MLLT6: variants seen among roughly 807,000 people sequenced by gnomAD.
MLLT6 encodes the protein protein AF-17.
MLLT6 carries 22 observed loss-of-function variants against 103.0 expected under a neutral mutation model. The ratio of observed to expected loss-of-function variants is 0.21; its 90% CI spans 0.15 to 0.31. MLLT6 has a LOEUF of 0.31. MLLT6 is among the 10% of genes least tolerant of loss of function. The pLI, the probability that MLLT6 is intolerant of heterozygous loss-of-function variation, is 1.00. For missense variants in MLLT6, 1,199 were observed against 1,441.7 expected, an observed-to-expected ratio of 0.83 and a Z score of 2.73; for synonymous variants, 606 against 623.5, an observed-to-expected ratio of 0.97 and a Z score of 0.42.
chr17:38,708,037 A>C (rs369462945), intron 4 of MLLT6, 165 bp downstream of exon 4: 1 of 601,602 alleles, frequency 1.7e-6, no homozygotes, highest in East Asian at 2.8e-5. Flanking sequence ...TGACAGACAC[A>C]CTCATGCTCT....
At chr17:38,717,764 C>T in intron 11 of MLLT6, 81 bp from the exon 12 acceptor site, 1 of 1,401,090 alleles carries the variant, frequency 7.1e-7, no homozygotes, top group Non-Finnish European at 1.0e-6. Flanking sequence ...CCCAGCACAC[C>T]CGGCCCCCTG....
chr17:38,727,530 C>T lies in MLLT6; in HGVS notation c.*1932C>T, dbSNP rs927647925. On this transcript the variant is annotated 3_prime_UTR_variant, in exon 20 of 20. Transcript: ENST00000621332. The stretch of plus-strand genomic sequence containing the variant: ...AGAAAAGTAACCTTCAGGCCAGGCG[C>T]GGTGGCTCACGCCTGTAATCCCAAC... 5 of 206,164 alleles carry T rather than the reference C, an allele frequency of 2.4e-5. No individual in the cohort carries two copies. The highest frequency in any genetic ancestry group is 6.8e-5 in the African/African-American group (3 of 43,802). The allele number at this position is 206,164 out of a possible 1,614,324, so 12.8% of individuals were successfully genotyped here.
chr17:38,720,336 C>G (rs1722515784), intron 14 of MLLT6, 36 bp from the exon 15 acceptor site: 2 of 1,520,132 alleles, frequency 1.3e-6, no homozygotes, highest in Non-Finnish European at 1.8e-6. Context: ...CCTCCGCCCC[C>G]TCGCCCCTCC....
At chr17:38,720,937 A>G in intron 16 of MLLT6, 190 bp downstream of exon 16, 1 of 616,376 alleles carries the variant, frequency 1.6e-6, no homozygotes, top group Non-Finnish European at 2.9e-6. Flanking sequence ...TTGGCTAAGC[A>G]ATCAGTGAGC....
At chr17:38,721,054 G>A (rs1385588425) in intron 16 of MLLT6, 1 of 490,924 alleles carries the variant, frequency 2.0e-6, no homozygotes, top group African/African-American at 2.0e-5. Context: ...GGCTGTGAGA[G>A]AGAGAACGGG....
In MLLT6 at chr17:38,717,458, A is replaced by G; in HGVS notation, c.1678A>G (p.Ile560Val). 6.2e-7 allele frequency: 1 copy of G among 1,609,818 alleles called. No individual in the cohort carries two copies. Among genetic ancestry groups the G allele is most frequent in the Non-Finnish European group, 8.5e-7 (1 of 1,177,890 alleles). Reference sequence around the variant, plus strand: ...CATCTACACCAGTAATAAGGACCCCATCTCCCACAGTGGCGGGATGCTGCG... The same window carrying G: ...CATCTACACCAGTAATAAGGACCCCGTCTCCCACAGTGGCGGGATGCTGCG... ...AGIYTSNKDP[I>V]SHSGGMLRAV... Residue 560 changes from isoleucine (I) to valine (V), a missense_variant, in exon 11 of 20, where the codon ATC becomes GTC. Coordinates refer to ENST00000621332, the MANE Select transcript of MLLT6 (RefSeq NM_005937.4).
chr17:38,723,768 G>GT (rs1905881434), intron 18 of MLLT6, among the ~76,000 whole-genome samples: 1 of 148,394 alleles, frequency 6.7e-6, no homozygotes, highest in Admixed American at 6.7e-5. Flanking sequence ...TTGAGACAGA[G>GT]TTTCACTCTT....
Position 38,726,355 on chromosome 17 carries a change from G to A in MLLT6, c.*757G>A, listed in dbSNP as rs1906026987. 4.4e-6 allele frequency: 1 copy of A among 226,232 alleles called. No homozygotes were observed. The highest frequency in any genetic ancestry group is 5.9e-5 in the Admixed American group (1 of 16,940). The allele number at this position is 226,232 out of a possible 1,614,324, so 14.0% of individuals were successfully genotyped here. ...TGGAGCTGCCCGTCTCAGTGTGTGA[G>A]TGTGTGTGTGCGTGCATGTGTGTGT... is the stretch of plus-strand genomic sequence containing the variant. On this transcript the variant is annotated 3_prime_UTR_variant, in exon 20 of 20. Transcript: ENST00000621332.
chr17:38,715,527 C>G, intron 8 of MLLT6, 85 bp from the exon 9 acceptor site: 1 of 1,479,326 alleles, frequency 6.8e-7, no homozygotes, highest in Non-Finnish European at 8.9e-7. Context: ...GAGCTAGGTC[C>G]TGTGCCCTCC....
At chr17:38,725,260 A>C (rs2084241966) in intron 19 of MLLT6, 7 of 530,158 alleles carry the variant, frequency 1.3e-5, no homozygotes, top group South Asian at 8.6e-5. Flanking sequence ...TTCTCATCCG[A>C]CCAATTAGAA....
At chr17:38,725,311 C>G (rs1319697444) in intron 19 of MLLT6, 8 of 547,966 alleles carry the variant, frequency 1.5e-5, no homozygotes, top group Non-Finnish European at 2.6e-5. Flanking sequence ...GAAAGGCCCT[C>G]TCCCTCTCCT....
chr17:38,722,768 G>A lies in MLLT6; in HGVS notation c.2883G>A (p.Pro961=). The change falls in exon 18 of 20, where the codon CCG becomes CCA. Residue 961 remains proline (P), a splice_region_variant and synonymous_variant. Transcript: ENST00000621332. ...QQLLASPQLT[P]EHQTVVYQMI... is the part of the protein sequence containing the mutation. ...TCCTGGCCTCCCCGCAGCTGACCCC[G>A]GTAATGCCCCTCCCTTCCCTGCCTC... 3 of 1,582,860 alleles carry A rather than the reference G, an allele frequency of 1.9e-6. No individual in the cohort carries two copies. Among genetic ancestry groups the A allele is most frequent in the Non-Finnish European group, 1.7e-6 (2 of 1,160,740 alleles).
At position 38,726,371 on chromosome 17, in the gene MLLT6, ATGTGTGTGTG is replaced by A. The variant is rs370611684; in HGVS notation, c.*795_*804del. 6.7e-5 allele frequency: 15 copies of A among 224,572 alleles called. No homozygotes were observed. The highest frequency in any genetic ancestry group is 1.2e-4 in the Admixed American group (2 of 17,044). The allele number at this position is 224,572 out of a possible 1,614,324, so 13.9% of individuals were successfully genotyped here. On this transcript the variant is annotated 3_prime_UTR_variant, in exon 20 of 20. Coordinates refer to ENST00000621332, the MANE Select transcript of MLLT6 (RefSeq NM_005937.4). ...AGTGTGTGAGTGTGTGTGTGCGTGCATGTGTGTGTGTGTGTGTGTGTGTGTGTGTGTCTGT... is the reference window on the plus strand; with the variant it reads ...AGTGTGTGAGTGTGTGTGTGCGTGCATGTGTGTGTGTGTGTGTGTGTCTGT...
intron 2 of MLLT6, 32 bp from the exon 3 acceptor site, chr17:38,707,453 TC>T: frequency 6.2e-7 from 1 of 1,612,058 alleles, no homozygotes; most frequent in Non-Finnish European, 8.5e-7. Context: ...GCTCAGCAGA[TC>T]CCCCAACCCC....
Position 38,709,195 on chromosome 17 carries a change from A to G in MLLT6, c.377A>G (p.Gln126Arg). The G allele has an allele frequency of 1.9e-6, 3 of 1,611,340 alleles. No homozygotes were observed. The highest frequency in any genetic ancestry group is 2.5e-6 in the Non-Finnish European group (3 of 1,179,108). ...CAGACCTGTTACATCTGCGAGGAGC[A>G]GGGCCGGGAGAGCAAGGCGGCCTCG... is the stretch of plus-strand genomic sequence containing the variant. ...FNKTCYICEEQGRESKAASGA... is the reference protein window; with the variant it reads ...FNKTCYICEERGRESKAASGA... Residue 126 changes from glutamine to arginine, a missense_variant, in exon 5 of 20, where the codon CAG (glutamine) becomes CGG (arginine). Gln to Arg is a conservative substitution (Grantham distance 43). Around this residue, in one of 7 missense-constraint regions of MLLT6, gnomAD observed 59 missense variants for 135.1 expected, o/e 0.44. Transcript: ENST00000621332. This position sits in a 1 kb window ranked among gnomAD's most constrained non-coding sequence, Gnocchi z 4.3.
intron 19 of MLLT6, chr17:38,725,259 G>A (rs752966712): frequency 1.1e-5 from 6 of 530,136 alleles, no homozygotes; most frequent in South Asian, 2.9e-5. Context: ...TTTCTCATCC[G>A]ACCAATTAGA....
In MLLT6 at chr17:38,709,067, C is replaced by G; in HGVS notation, c.355-106C>G. 3.6e-6 allele frequency: 3 copies of G among 829,630 alleles called. No homozygotes were observed. The highest frequency in any genetic ancestry group is 5.8e-6 in the Non-Finnish European group (3 of 512,932). 51.4% of individuals were successfully genotyped at this position (829,630 alleles called of 1,614,324 possible). A position where few individuals can be genotyped will look rare whatever the true frequency, so the allele number is the denominator to read the frequency against. ...CTGCAGACAGTTCTGTGGGATAGCA[C>G]TGATCTAAGACTGTAGAGAGCAAAT... On this transcript the variant is annotated intron_variant, in intron 4 of 19. Transcript: ENST00000621332. This position sits in a 1 kb window ranked among gnomAD's most constrained non-coding sequence, Gnocchi z 4.3.
rs2143712581 is a variant in MLLT6 at position 38,724,131 on chromosome 17, C to CCTGTAATCCAGCTACCTGGGAGG, written c.2884-485_2884-463dup. 1 of 153,044 alleles carries CCTGTAATCCAGCTACCTGGGAGG rather than the reference C, an allele frequency of 6.5e-6. No homozygotes were observed. Among genetic ancestry groups the CCTGTAATCCAGCTACCTGGGAGG allele is most frequent in the Admixed American group, 6.5e-5 (1 of 15,284 alleles). 9.5% of individuals were successfully genotyped at this position (153,044 alleles called of 1,614,324 possible). On this transcript the variant is annotated intron_variant, in intron 18 of 19. Transcript: ENST00000621332. The surrounding 1 kb of genome is among the most constrained non-coding windows in gnomAD (Gnocchi z 5.4). ...AATTAGCCGGATGTGGTGGCAGGCC[C>CCTGTAATCCAGCTACCTGGGAGG]CTGTAATCCAGCTACCTGGGAGGCT...
rs1041427033 is a variant in MLLT6, at chr17:38,723,800, T to G, written c.2884-820T>G. ...TCTTGTTGCCCAGGCTGGAGTGCAA[T>G]GGCATGATATCGGCTCACTGCAACC... On this transcript the variant is annotated intron_variant, in intron 18 of 19. Transcript: ENST00000621332. 1.1e-4 allele frequency among the ~76,000 whole-genome samples: 16 copies of G among 150,352 alleles called. No individual in the cohort carries two copies. The Admixed American group carries it at 1.1e-3, about 10-fold the overall frequency.
Sources: gnomAD v4.1 joint callset for allele counts (sites outside exome capture counted in the v4.1 genomes callset) on GRCh38, gnomAD v4.1.1 for gene constraint, gnomAD v4.1.1 regional missense constraint, Gnocchi (gnomAD v3.1) non-coding constraint, MANE v1.5 for transcripts, NCBI Gene and HGNC (gene_info 2026-07-23, HGNC 2026-07-21) for gene names.